SPATA31F1: variants seen among roughly 807,000 people sequenced by gnomAD.
SPATA31F1 encodes the protein SPATA31 subfamily F member 1.
chr9:34,725,803 C>T, the SPATA31F1 span: 8 of 1,548,718 alleles, frequency 5.2e-6, no homozygotes, highest in South Asian at 3.6e-5. Flanking sequence ...TTTTAGGGAG[C>T]AGTTGGGGGA....
the SPATA31F1 span, chr9:34,724,092 CCT>C: frequency 1.3e-6 from 2 of 1,528,010 alleles, no homozygotes; most frequent in Non-Finnish European, 8.8e-7. Context: ...TCCTCTGGGT[CCT>C]CTCTGTTTCC....
chr9:34,728,058 G>T, the SPATA31F1 span: 2 of 1,551,970 alleles, frequency 1.3e-6, no homozygotes, highest in Non-Finnish European at 1.7e-6. Context: ...TGGCTTCTCA[G>T]CTTCTTCCCG....
At chr9:34,725,020 C>T in the SPATA31F1 span, 1 of 1,551,904 alleles carries the variant, frequency 6.4e-7, no homozygotes, top group Admixed American at 2.0e-5. Flanking sequence ...GGGCCGTTGG[C>T]ATCCAGGGCA....
the SPATA31F1 span, chr9:34,728,568 C>A: frequency 1.3e-6 from 2 of 1,542,948 alleles, no homozygotes; most frequent in Non-Finnish European, 1.8e-6. Flanking sequence ...ATGGGAAACA[C>A]CCACAGTGGA....
At chr9:34,728,078 C>T in the SPATA31F1 span, 1 of 1,551,912 alleles carries the variant, frequency 6.4e-7, no homozygotes, top group Non-Finnish European at 8.7e-7. Flanking sequence ...GGGAACGTCT[C>T]CTAGCTGAGG....
the SPATA31F1 span, chr9:34,724,976 A>ACC: frequency 1.6e-5 from 25 of 1,551,782 alleles, no homozygotes; most frequent in Non-Finnish European, 2.1e-5. Flanking sequence ...GTGTTCAGTG[A>ACC]CAGTACCTGG....
the SPATA31F1 span, chr9:34,724,119 C>T: frequency 3.0e-5 from 46 of 1,534,932 alleles, no homozygotes; most frequent in Admixed American, 1.2e-4. Context: ...AGCATGGGGA[C>T]ATGGGCTGGG....
At chr9:34,728,677 A>G in the SPATA31F1 span, 41 of 1,550,768 alleles carry the variant, frequency 2.6e-5, no homozygotes, top group South Asian at 3.6e-5. Flanking sequence ...AAACATTAGA[A>G]TGTGAAGCTG....
the SPATA31F1 span, chr9:34,724,586 G>T: frequency 1.3e-6 from 2 of 1,536,662 alleles, no homozygotes; most frequent in African/African-American, 2.8e-5. Context: ...CAAGATATGT[G>T]TCTGGAGTGA....
chr9:34,723,784 C>T, the SPATA31F1 span: 75 of 1,551,592 alleles, frequency 4.8e-5, no homozygotes, highest in South Asian at 3.9e-4. Flanking sequence ...CAGGAATTGT[C>T]GCTGGTTCAA....
the SPATA31F1 span, chr9:34,726,457 C>G: frequency 6.4e-7 from 1 of 1,551,230 alleles, no homozygotes; most frequent in African/African-American, 1.4e-5. Context: ...GGTTCAGGGA[C>G]AGCAAGGAGA....
the SPATA31F1 span, among the ~76,000 whole-genome samples, chr9:34,728,281 A>G: frequency 5.9e-5 from 9 of 152,304 alleles, no homozygotes; most frequent in Non-Finnish European, 1.2e-4. Context: ...TACAACCACA[A>G]TGTGATTGAG....
chr9:34,726,881 C>T, the SPATA31F1 span: 9 of 1,551,688 alleles, frequency 5.8e-6, no homozygotes, highest in African/African-American at 1.2e-4. Flanking sequence ...GTTGTTCTCA[C>T]CCACCAGCAA....
the SPATA31F1 span, chr9:34,726,674 G>C: frequency 1.3e-6 from 2 of 1,551,188 alleles, no homozygotes; most frequent in Non-Finnish European, 1.7e-6. Flanking sequence ...ATCTGCATAC[G>C]TTGACTGGGC....
At chr9:34,724,275 C>T in the SPATA31F1 span, 1 of 1,551,524 alleles carries the variant, frequency 6.4e-7, no homozygotes, top group South Asian at 1.2e-5. Flanking sequence ...ACCGAGTGGG[C>T]AGAACCCTGG....
chr9:34,723,072 G>A, the SPATA31F1 span: 2 of 801,600 alleles, frequency 2.5e-6, no homozygotes, highest in Non-Finnish European at 3.9e-6. Context: ...AATATAGAGT[G>A]TATTTCTAGT....
chr9:34,726,851 G>C, the SPATA31F1 span: 2 of 1,551,820 alleles, frequency 1.3e-6, no homozygotes, highest in Admixed American at 3.9e-5. Flanking sequence ...CAATGGCCCC[G>C]ATAAAGTCAG....
At chr9:34,726,047 G>T in the SPATA31F1 span, 1 of 1,523,080 alleles carries the variant, frequency 6.6e-7, no homozygotes, top group African/African-American at 1.4e-5. Context: ...AGAGGGCAAG[G>T]CTAGAGCCAT....
At chr9:34,723,683 A>G in the SPATA31F1 span, 53 of 1,551,472 alleles carry the variant, frequency 3.4e-5, no homozygotes, top group Non-Finnish European at 4.2e-5. Flanking sequence ...TTGGCCTTGC[A>G]AAGTTTGGCC....
Sources: allele counts gnomAD v4.1 joint callset (sites outside exome capture counted in the v4.1 genomes callset), GRCh38; gene constraint gnomAD v4.1.1; transcripts MANE v1.5; gene names NCBI Gene and HGNC (gene_info 2026-07-23, HGNC 2026-07-21).